ANKS1B: variants seen among roughly 807,000 people sequenced by gnomAD.
ANKS1B encodes the protein ankyrin repeat and sterile alpha motif domain containing 1B.
A neutral mutation model predicts 148.3 loss-of-function variants in ANKS1B; 36 were observed. The ratio of observed to expected loss-of-function variants is 0.24; its 90% CI spans 0.19 to 0.32. The LOEUF is 0.32. ANKS1B is among the 10% of genes least tolerant of loss of function. The pLI, the probability that ANKS1B is intolerant of heterozygous loss-of-function variation, is 1.00. For missense variants in ANKS1B, 1,157 were observed against 1,542.6 expected (o/e 0.75, Z 4.19); for synonymous variants, 542 against 560.8 (o/e 0.97, Z 0.47).
Position 98,829,410 on chromosome 12 carries a change from C to T in ANKS1B, c.2887-57G>A. The T allele has an allele frequency of 6.4e-7, 1 of 1,552,928 alleles. No individual in the cohort carries two copies. The highest frequency in any genetic ancestry group is 8.7e-7 in the Non-Finnish European group (1 of 1,143,290). On this transcript the variant is annotated intron_variant, in intron 18 of 26. Coordinates refer to ENST00000683438, the MANE Select transcript of ANKS1B (RefSeq NM_001352186.2). The surrounding 1 kb of genome is among the most constrained non-coding windows in gnomAD (Gnocchi z 5.2). ...ATGTTCTGTGGCTAACCTTTGGTTTCAAAATTGTGAAATACTGACAAGACA... is the reference window on the plus strand; with the variant it reads ...ATGTTCTGTGGCTAACCTTTGGTTTTAAAATTGTGAAATACTGACAAGACA...
At chr12:98,735,052 A>G in exon 10 of ANKS1B, 1 of 394,272 alleles carries the variant, frequency 2.5e-6, no homozygotes, top group Middle Eastern at 6.4e-4. Context: ...GTTTGAGTCC[A>G]GCCTGGGTGA....
intron 14 of ANKS1B, among the ~76,000 whole-genome samples, chr12:99,219,718 C>A (rs2084789868): frequency 6.6e-6 from 1 of 152,228 alleles, no homozygotes; most frequent in African/African-American, 2.4e-5. Context: ...CCATTTCAGT[C>A]TCTGAAGTCC....
At position 99,824,804 on chromosome 12, in the gene ANKS1B, G is replaced by A. The variant is rs117244037; in HGVS notation, c.215+505C>T. 4.6e-3 allele frequency among the ~76,000 whole-genome samples: 693 copies of A among 152,204 alleles called. 1 individual carries two copies. Among genetic ancestry groups the A allele is most frequent in the Non-Finnish European group, 7.0e-3 (474 of 68,000 alleles). On this transcript the variant is annotated intron_variant, in intron 2 of 26. Transcript: ENST00000683438. The stretch of plus-strand genomic sequence containing the variant: ...GTTTTACTTATTAAAAAAATTTAGG[G>A]TTGGCAAATCTAAAACTAGAAAGAC...
intron 17 of ANKS1B, among the ~76,000 whole-genome samples, chr12:98,976,141 C>T (rs928212766): frequency 2.6e-5 from 4 of 152,162 alleles, no homozygotes; most frequent in Non-Finnish European, 5.9e-5. Flanking sequence ...AGATTCATCT[C>T]GTGTTAATAA....
At chr12:99,441,261 C>G (rs1484194221) in intron 11 of ANKS1B, among the ~76,000 whole-genome samples, 3 of 151,766 alleles carry the variant, frequency 2.0e-5, no homozygotes, top group African/African-American at 4.8e-5. Flanking sequence ...AACAGTAGCT[C>G]TCAACCATTT....
chr12:99,053,849 G>T (rs1238702645), intron 16 of ANKS1B, among the ~76,000 whole-genome samples: 2 of 152,166 alleles, frequency 1.3e-5, no homozygotes, highest in Non-Finnish European at 1.5e-5. Context: ...AGGCCTTTGG[G>T]TATTTTAAGA....
chr12:99,109,776 T>C (rs1291707220), intron 15 of ANKS1B, among the ~76,000 whole-genome samples: 3 of 152,186 alleles, frequency 2.0e-5, no homozygotes, highest in South Asian at 4.1e-4. Flanking sequence ...ACATACTATG[T>C]CATCTTAACC....
intron 9 of ANKS1B, among the ~76,000 whole-genome samples, chr12:99,530,887 C>T (rs1009659043): frequency 6.6e-6 from 1 of 152,148 alleles, no homozygotes; most frequent in Non-Finnish European, 1.5e-5. Flanking sequence ...CTAATTTATT[C>T]TTTAAAGCTT....
Position 98,745,658 on chromosome 12 carries a change from T to C in ANKS1B, c.*81A>G. The C allele has an allele frequency of 1.3e-6, 2 of 1,563,138 alleles. No homozygotes were observed. Among genetic ancestry groups the C allele is most frequent in the African/African-American group, 1.4e-5 (1 of 73,352 alleles). ...AGAGCAGTCTTCCTCCTGGGCTGGG[T>C]GGACGCGGAGGCGCGAAGGAAAGCC... On this transcript the variant is annotated 3_prime_UTR_variant, in exon 27 of 27. Transcript: ENST00000683438.
intron 12 of ANKS1B, among the ~76,000 whole-genome samples, chr12:99,344,093 C>T (rs2090320970): frequency 6.6e-6 from 1 of 151,960 alleles, no homozygotes; most frequent in African/African-American, 2.4e-5. Context: ...CATTACTTAC[C>T]TTGACAAACA....
intron 10 of ANKS1B, among the ~76,000 whole-genome samples, chr12:99,451,381 T>C (rs1595026380): frequency 6.6e-6 from 1 of 152,128 alleles, no homozygotes; most frequent in African/African-American, 2.4e-5. Context: ...GGGACCATGA[T>C]AGATGCTTTT....
At chr12:99,682,702 G>A (rs1430577856) in intron 8 of ANKS1B, among the ~76,000 whole-genome samples, 1 of 151,976 alleles carries the variant, frequency 6.6e-6, no homozygotes, top group African/African-American at 2.4e-5. Flanking sequence ...AGGAACTAGA[G>A]AAAGAAGAAC....
At chr12:99,383,858 AAAAAAAAAAG>A (rs1209267419) in intron 12 of ANKS1B, among the ~76,000 whole-genome samples, 1 of 149,220 alleles carries the variant, frequency 6.7e-6, no homozygotes, top group Non-Finnish European at 1.5e-5. Context: ...ACAAAAAAAA[AAAAAAAAAAG>A]AAAAGAAAAG....
chr12:98,860,560 T>C lies in ANKS1B; in HGVS notation c.2779-28424A>G, dbSNP rs183359382. Among the ~76,000 whole-genome samples, 891 of 152,246 alleles carry C rather than the reference T, an allele frequency of 5.9e-3. 7 individuals are homozygous for C. Among genetic ancestry groups the C allele is most frequent in the Non-Finnish European group, 9.2e-3 (625 of 68,008 alleles). On this transcript the variant is annotated intron_variant, in intron 17 of 26. Coordinates refer to ENST00000683438, the MANE Select transcript of ANKS1B (RefSeq NM_001352186.2). ...TCAATGGAAGCAGAGAGCCACACCA[T>C]TAATGGTGGATTGAAAAAGACTCTG... is the stretch of plus-strand genomic sequence containing the variant.
At chr12:99,002,414 T>C (rs2153371879) in intron 17 of ANKS1B, among the ~76,000 whole-genome samples, 1 of 152,336 alleles carries the variant, frequency 6.6e-6, no homozygotes, top group African/African-American at 2.4e-5. Context: ...CAACATGGTG[T>C]TTTGATATAT....
At chr12:99,113,503 A>C (rs1325274875) in intron 15 of ANKS1B, among the ~76,000 whole-genome samples, 1 of 152,264 alleles carries the variant, frequency 6.6e-6, no homozygotes, top group Non-Finnish European at 1.5e-5. Flanking sequence ...ATTAGCAGGT[A>C]CTCAATAAAC....
chr12:98,957,300 AT>A (rs200785340), intron 17 of ANKS1B, among the ~76,000 whole-genome samples: 3 of 148,798 alleles, frequency 2.0e-5, no homozygotes, highest in Non-Finnish European at 3.0e-5. Context: ...ATGCTCCAGG[AT>A]TTTTTTTAAA....
At chr12:99,854,847 T>A (rs904366142) in intron 1 of ANKS1B, among the ~76,000 whole-genome samples, 5 of 152,040 alleles carry the variant, frequency 3.3e-5, no homozygotes, top group Non-Finnish European at 7.4e-5. Flanking sequence ...AAACAAACAC[T>A]GAGAGAATTC....
intron 12 of ANKS1B, among the ~76,000 whole-genome samples, chr12:99,277,438 T>C (rs999733940): frequency 1.3e-5 from 2 of 152,200 alleles, no homozygotes; most frequent in Admixed American, 1.3e-4. Flanking sequence ...ATATTGATTT[T>C]ACCAGCAGAA....
Sources: gnomAD v4.1 joint callset for allele counts (sites outside exome capture counted in the v4.1 genomes callset) on GRCh38, gnomAD v4.1.1 for gene constraint, Gnocchi (gnomAD v3.1) non-coding constraint, MANE v1.5 for transcripts, NCBI Gene and HGNC (gene_info 2026-07-23, HGNC 2026-07-21) for gene names.